Variants in CAMK4 observed in about 807,000 individuals in gnomAD.
CAMK4 encodes calcium/calmodulin-dependent protein kinase type IV.
A neutral mutation model predicts 44.9 loss-of-function variants in CAMK4; 22 were observed. That is an observed-to-expected ratio of 0.49 (90% CI 0.35 to 0.70). The LOEUF (loss-of-function observed/expected upper bound fraction) is 0.70. CAMK4 is among the 30% of genes least tolerant of loss of function. The pLI is 0.01. For missense variants in CAMK4, 498 were observed against 586.8 expected (o/e 0.85, Z 1.56); for synonymous variants, 218 against 215.4 (o/e 1.01, Z -0.11).
At chr5:111,230,157 C>T (rs1748397937) in intron 1 of CAMK4, among the ~76,000 whole-genome samples, 1 of 152,160 alleles carries the variant, frequency 6.6e-6, no homozygotes, top group Admixed American at 6.5e-5. Context: ...CTAAAACTTG[C>T]CTGACAATAA....
intron 7 of CAMK4, among the ~76,000 whole-genome samples, chr5:111,469,481 A>C (rs546459274): frequency 4.6e-4 from 70 of 152,276 alleles, no homozygotes; most frequent in African/African-American, 1.5e-3. Context: ...CAGTGCTGCG[A>C]CAGATCAGAA....
At chr5:111,463,793 G>C (rs1754725683) in intron 7 of CAMK4, among the ~76,000 whole-genome samples, 1 of 152,196 alleles carries the variant, frequency 6.6e-6, no homozygotes, top group Non-Finnish European at 1.5e-5. Context: ...GAGGAAGGGG[G>C]AGAGCACAGC....
intron 5 of CAMK4, among the ~76,000 whole-genome samples, chr5:111,414,377 C>A (rs1320530354): frequency 6.6e-6 from 1 of 152,180 alleles, no homozygotes; most frequent in Non-Finnish European, 1.5e-5. Context: ...CACTTCTCCA[C>A]CTCTCAGCAG....
chr5:111,415,710 A>G (rs1752790958), intron 5 of CAMK4, among the ~76,000 whole-genome samples: 1 of 152,218 alleles, frequency 6.6e-6, no homozygotes, highest in Non-Finnish European at 1.5e-5. Flanking sequence ...ACACTTGAGC[A>G]AGAAACTCTA....
chr5:111,247,732 T>C (rs1288226516), intron 1 of CAMK4, among the ~76,000 whole-genome samples: 1 of 152,134 alleles, frequency 6.6e-6, no homozygotes, highest in African/African-American at 2.4e-5. Flanking sequence ...TAATGGAGGA[T>C]AATCTACTTT....
chr5:111,277,865 G>T (rs1750842546), intron 1 of CAMK4, among the ~76,000 whole-genome samples: 1 of 151,886 alleles, frequency 6.6e-6, no homozygotes, highest in South Asian at 2.1e-4. Flanking sequence ...GGATTTATTG[G>T]TATATAAATA....
Position 111,288,667 on chromosome 5 carries a change from C to G in CAMK4, c.162-55357C>G, listed in dbSNP as rs183695667. 2.0e-5 allele frequency among the ~76,000 whole-genome samples: 3 copies of G among 152,288 alleles called. No homozygotes were observed. In the East Asian group the frequency reaches 5.8e-4, roughly 29 times the overall value. On this transcript the variant is annotated intron_variant, in intron 1 of 10. Coordinates refer to ENST00000282356, the MANE Select transcript of CAMK4 (RefSeq NM_001744.6). ...AAATACTTTTATATTCTCTTAGCCT[C>G]CTTTCCTCTTATGGCAGAACATGGG...
At chr5:111,373,832 T>C (rs1421684733) in intron 2 of CAMK4, among the ~76,000 whole-genome samples, 2 of 152,164 alleles carry the variant, frequency 1.3e-5, no homozygotes, top group Admixed American at 6.6e-5. Context: ...GCAGGTATCA[T>C]ATCTATCGAT....
chr5:111,419,446 A>C, intron 5 of CAMK4, among the ~76,000 whole-genome samples: 1 of 152,080 alleles, frequency 6.6e-6, no homozygotes, highest in Admixed American at 6.5e-5. Flanking sequence ...TCTTTAATTT[A>C]ATTAGATCCC....
chr5:111,469,888 G>A (rs1344180895), intron 7 of CAMK4, among the ~76,000 whole-genome samples: 1 of 152,192 alleles, frequency 6.6e-6, no homozygotes, highest in African/African-American at 2.4e-5. Flanking sequence ...TTCATTTACA[G>A]TTTAGAGGTA....
intron 9 of CAMK4, among the ~76,000 whole-genome samples, chr5:111,480,249 AAC>A (rs532395570): frequency 0.012 from 1,506 of 121,222 alleles, 8 homozygotes; most frequent in South Asian, 0.023. Flanking sequence ...TAGGCATGTA[AAC>A]ACACACACAC....
At chr5:111,295,828 T>G (rs1747458678) in intron 1 of CAMK4, among the ~76,000 whole-genome samples, 2 of 152,172 alleles carry the variant, frequency 1.3e-5, no homozygotes, top group African/African-American at 4.8e-5. Context: ...ACAAATATGC[T>G]TTTCGGTTTT....
intron 5 of CAMK4, among the ~76,000 whole-genome samples, chr5:111,396,413 CACATA>C (rs1370285233): frequency 1.3e-5 from 2 of 151,966 alleles, no homozygotes; most frequent in African/African-American, 4.8e-5. Flanking sequence ...ATTTTCATCA[CACATA>C]ACATATTTAC....
chr5:111,342,354 C>G (rs1749680774), intron 1 of CAMK4, among the ~76,000 whole-genome samples: 3 of 151,366 alleles, frequency 2.0e-5, no homozygotes, highest in African/African-American at 7.3e-5. Flanking sequence ...TAGTTGACGC[C>G]TTCGTAATTA....
At position 111,377,799 on chromosome 5, in the gene CAMK4, C is replaced by T. The variant is rs551558455; in HGVS notation, c.386+857C>T. On this transcript the variant is annotated intron_variant, in intron 4 of 10. Transcript: ENST00000282356. ...GAAAAGTTTTGGTTAAAAAATGGGG[C>T]AAGAGACAGGTAGACTGCAGTTTAT... Among the ~76,000 whole-genome samples the T allele has an allele frequency of 3.0e-4, 45 of 152,096 alleles. 1 individual carries two copies. The South Asian group carries it at 8.9e-3, about 30-fold the overall frequency.
chr5:111,317,106 G>GC (rs1748458127), intron 1 of CAMK4, among the ~76,000 whole-genome samples: 1 of 152,078 alleles, frequency 6.6e-6, no homozygotes, highest in African/African-American at 2.4e-5. Context: ...TGGAACCGAA[G>GC]ACACCATGGG....
At chr5:111,333,746 A>C (rs1409415084) in intron 1 of CAMK4, among the ~76,000 whole-genome samples, 1 of 151,670 alleles carries the variant, frequency 6.6e-6, no homozygotes, top group Non-Finnish European at 1.5e-5. Context: ...CAAGGTTTTG[A>C]GAAACTGGAG....
intron 1 of CAMK4, among the ~76,000 whole-genome samples, chr5:111,232,265 A>G (rs1450897015): frequency 6.6e-6 from 1 of 152,220 alleles, no homozygotes; most frequent in Non-Finnish European, 1.5e-5. Context: ...AGATAAATTA[A>G]TGAATAAGTA....
At chr5:111,411,570 G>A (rs185183647) in intron 5 of CAMK4, among the ~76,000 whole-genome samples, 1 of 152,182 alleles carries the variant, frequency 6.6e-6, no homozygotes, top group East Asian at 1.9e-4. Flanking sequence ...GGAAATTGCT[G>A]GAGGCTGGAA....
Sources: allele counts gnomAD v4.1 joint callset (sites outside exome capture counted in the v4.1 genomes callset), GRCh38; gene constraint gnomAD v4.1.1; transcripts MANE v1.5; gene names NCBI Gene and HGNC (gene_info 2026-07-23, HGNC 2026-07-21).